ACER3: variants seen among roughly 807,000 people sequenced by gnomAD.
The protein encoded by ACER3 is alkCDase 3.
Under a neutral mutation model 48.9 loss-of-function variants are expected in ACER3, and 16 were observed. That is an observed-to-expected ratio of 0.33 (90% confidence interval 0.22 to 0.50). The LOEUF (loss-of-function observed/expected upper bound fraction) is 0.50. ACER3 is among the 20% of genes least tolerant of loss of function. ACER3 has a pLI of 0.98. For missense variants in ACER3, 227 were observed against 326.0 expected (o/e 0.70, Z 2.34); for synonymous variants, 109 against 107.8 (o/e 1.01, Z -0.07).
At chr11:77,015,882 G>A (rs1010740043) in intron 8 of ACER3, among the ~76,000 whole-genome samples, 7 of 152,058 alleles carry the variant, frequency 4.6e-5, no homozygotes, top group African/African-American at 1.2e-4. Context: ...CCGAGGGGGC[G>A]GATCACTTGA....
At chr11:76,957,788 A>G (rs1183262030) in intron 2 of ACER3, among the ~76,000 whole-genome samples, 1 of 152,144 alleles carries the variant, frequency 6.6e-6, no homozygotes, top group African/African-American at 2.4e-5. Flanking sequence ...ATTACTTAAC[A>G]TAGGGCATGA....
At chr11:76,975,938 G>A (rs1242659347) in intron 3 of ACER3, among the ~76,000 whole-genome samples, 1 of 138,014 alleles carries the variant, frequency 7.2e-6, no homozygotes, top group Non-Finnish European at 1.5e-5. Flanking sequence ...GGAGTGCAGT[G>A]GTGCAATCAT....
chr11:76,912,576 A>G (rs1359921948), intron 1 of ACER3, among the ~76,000 whole-genome samples: 1 of 152,146 alleles, frequency 6.6e-6, no homozygotes, highest in Non-Finnish European at 1.5e-5. Flanking sequence ...ATCTCTATAG[A>G]TTAAAGAAGA....
At chr11:76,871,879 A>G (rs1348047386) in intron 1 of ACER3, among the ~76,000 whole-genome samples, 1 of 152,114 alleles carries the variant, frequency 6.6e-6, no homozygotes, top group Non-Finnish European at 1.5e-5. Flanking sequence ...TTATCATGTG[A>G]TGGTATGTTA....
chr11:76,934,040 T>C (rs1432714327), intron 2 of ACER3, among the ~76,000 whole-genome samples: 2 of 149,422 alleles, frequency 1.3e-5, no homozygotes. Context: ...TCCCCACATC[T>C]CAGACAATGG....
At chr11:76,934,853 T>C (rs995672689) in intron 2 of ACER3, among the ~76,000 whole-genome samples, 3 of 152,194 alleles carry the variant, frequency 2.0e-5, no homozygotes, top group African/African-American at 7.2e-5. Flanking sequence ...ACATGCAGCC[T>C]ATTTCCATGT....
At chr11:76,901,883 T>C (rs1946091544) in intron 1 of ACER3, among the ~76,000 whole-genome samples, 1 of 152,142 alleles carries the variant, frequency 6.6e-6, no homozygotes, top group Non-Finnish European at 1.5e-5. Context: ...GCTTGTGGAT[T>C]TCATTTCTGC....
intron 1 of ACER3, among the ~76,000 whole-genome samples, chr11:76,914,487 A>G (rs1388163312): frequency 6.6e-6 from 1 of 152,198 alleles, no homozygotes; most frequent in Non-Finnish European, 1.5e-5. Flanking sequence ...AATCAAAACC[A>G]CAATGAGATA....
intron 9 of ACER3, among the ~76,000 whole-genome samples, chr11:77,019,152 A>G (rs868971125): frequency 5.3e-5 from 8 of 152,270 alleles, no homozygotes; most frequent in Middle Eastern, 3.4e-3. Context: ...TGAAAGTCCT[A>G]TGGCCCTTAA....
chr11:76,933,718 A>T (rs950712261), intron 2 of ACER3, among the ~76,000 whole-genome samples: 1 of 152,172 alleles, frequency 6.6e-6, no homozygotes, highest in Non-Finnish European at 1.5e-5. Context: ...TGATTTCTCA[A>T]TCTTTTCCCC....
intron 4 of ACER3, among the ~76,000 whole-genome samples, chr11:76,984,280 C>G (rs112885989): frequency 6.6e-6 from 1 of 152,136 alleles, no homozygotes; most frequent in Non-Finnish European, 1.5e-5. Context: ...GTAATAAATA[C>G]AAGCCAGGCC....
At chr11:76,874,830 T>G (rs1945328750) in intron 1 of ACER3, among the ~76,000 whole-genome samples, 1 of 152,220 alleles carries the variant, frequency 6.6e-6, no homozygotes, top group Non-Finnish European at 1.5e-5. Flanking sequence ...CCCTTCTTTC[T>G]TCTTTGATTT....
At chr11:76,915,543 G>A (rs994240809) in intron 1 of ACER3, among the ~76,000 whole-genome samples, 10 of 152,140 alleles carry the variant, frequency 6.6e-5, no homozygotes, top group African/African-American at 1.4e-4. Context: ...GAGGCAATGC[G>A]ATAATTGCTG....
chr11:76,906,598 C>T lies in ACER3; in HGVS notation c.104-19959C>T, dbSNP rs79713975. On this transcript the variant is annotated intron_variant, in intron 1 of 10. Transcript: ENST00000532485. The stretch of plus-strand genomic sequence containing the variant: ...ATAACTCTGTCTTCCGTGTGGCCAG[C>T]CTCACATCAGTTAAAATCTTTCTTT... Among the ~76,000 whole-genome samples the T allele has an allele frequency of 9.7e-3, 1,476 of 152,286 alleles. 19 individuals carry two copies. The highest frequency in any genetic ancestry group is 0.031 in the Middle Eastern group (9 of 294).
At chr11:76,938,653 A>G (rs889022475) in intron 2 of ACER3, among the ~76,000 whole-genome samples, 2 of 152,154 alleles carry the variant, frequency 1.3e-5, no homozygotes, top group Non-Finnish European at 2.9e-5. Flanking sequence ...AGGAGCTAGG[A>G]TTCTCACTGT....
intron 6 of ACER3, 72 bp from the exon 7 acceptor site, chr11:76,998,691 T>C: frequency 9.4e-7 from 1 of 1,067,906 alleles, no homozygotes; most frequent in Non-Finnish European, 1.4e-6. Context: ...GAAGGCTATT[T>C]TGGTAGGCAA....
chr11:76,926,787 T>G (rs1946842291), intron 2 of ACER3, 120 bp downstream of exon 2: 3 of 611,058 alleles, frequency 4.9e-6, no homozygotes. Flanking sequence ...ATTCTGAAAC[T>G]TCTTAGTTAA....
intron 2 of ACER3, among the ~76,000 whole-genome samples, chr11:76,956,368 A>C (rs577237447): frequency 6.6e-6 from 1 of 152,318 alleles, no homozygotes; most frequent in Non-Finnish European, 1.5e-5. Context: ...TAACAAAGAA[A>C]AAAGAGGAGT....
chr11:76,982,430 T>G lies in ACER3; in HGVS notation c.321-3213T>G, dbSNP rs962673044. Among the ~76,000 whole-genome samples, 7 of 152,128 alleles carry G rather than the reference T, an allele frequency of 4.6e-5. No homozygotes were observed. In the East Asian group the frequency reaches 1.3e-3, roughly 29 times the overall value. On this transcript the variant is annotated intron_variant, in intron 4 of 10. Transcript: ENST00000532485. Reference sequence around the variant, plus strand: ...TGGGGTTTCACCATGTTGGCCAGGATGGTCTCGATCTCTTGACCTTGTGAT... The same window carrying G: ...TGGGGTTTCACCATGTTGGCCAGGAGGGTCTCGATCTCTTGACCTTGTGAT...
Sources: gnomAD v4.1 joint callset for allele counts (sites outside exome capture counted in the v4.1 genomes callset) on GRCh38, gnomAD v4.1.1 for gene constraint, MANE v1.5 for transcripts, NCBI Gene and HGNC (gene_info 2026-07-23, HGNC 2026-07-21) for gene names.